Variants in HNRNPA1 observed in about 807,000 individuals in gnomAD.
The protein encoded by HNRNPA1 is heterogeneous nuclear ribonucleoprotein A1, also known as epididymis secretory sperm binding protein.
In HNRNPA1, 7 loss-of-function variants were observed where a neutral mutation model predicts 44.4. The observed-to-expected ratio is 0.16, with a 90% confidence interval of 0.09 to 0.30. HNRNPA1 has a LOEUF of 0.30. Among genes scored for constraint, HNRNPA1 ranks in the 10% least tolerant of loss-of-function variants. HNRNPA1 has a pLI of 1.00. For synonymous variants in HNRNPA1, 169 were observed against 160.6 expected, an observed-to-expected ratio of 1.05 and a Z score of -0.40; for missense variants, 193 against 465.8, an observed-to-expected ratio of 0.41 and a Z score of 5.39.
intron 8 of HNRNPA1, among the ~76,000 whole-genome samples, 184 bp downstream of exon 8, chr12:54,283,418 G>A (rs2137044466): frequency 6.6e-6 from 1 of 152,280 alleles, no homozygotes; most frequent in Non-Finnish European, 1.5e-5. Context: ...GTAGAGATAA[G>A]TGGATAGTGT....
Position 54,281,394 on chromosome 12 carries a change from A to G in HNRNPA1, c.24A>G (p.Lys8=), listed in dbSNP as rs1348081641. ...CCCTCCCCCCACTCTAGTCTCCTAAAGAGCCCGAACAGCTGAGGAAGCTCT... is the reference window on the plus strand; with the variant it reads ...CCCTCCCCCCACTCTAGTCTCCTAAGGAGCCCGAACAGCTGAGGAAGCTCT... The part of the protein sequence containing the change: MSKSESP[K]EPEQLRKLFI... Residue 8 remains lysine (K), a synonymous_variant, in exon 2 of 11, where the codon AAA becomes AAG. Coordinates refer to ENST00000340913, the MANE Select transcript of HNRNPA1 (RefSeq NM_031157.4). 1.3e-6 allele frequency: 2 copies of G among 1,583,572 alleles called. No individual in the cohort carries two copies. The highest frequency in any genetic ancestry group is 3.5e-5 in the Admixed American group (2 of 56,846).
rs1944185738 is a variant in HNRNPA1 at position 54,282,307 on chromosome 12, A to G, written c.490+7A>G. On this transcript the variant is annotated splice_region_variant and intron_variant, in intron 4 of 10. Coordinates refer to ENST00000340913, the MANE Select transcript of HNRNPA1 (RefSeq NM_031157.4). ...TCCGTGGATAAGATTGTCAGTAAGT[A>G]TCAGATAGTGGCATTTAGTAAGGGT... 10 of 1,613,758 alleles carry G rather than the reference A, an allele frequency of 6.2e-6. No individual in the cohort carries two copies. The highest frequency in any genetic ancestry group is 2.7e-5 in the African/African-American group (2 of 75,054).
chr12:54,281,002 C>T (rs766816110), intron 1 of HNRNPA1, 180 bp downstream of exon 1: 27 of 730,936 alleles, frequency 3.7e-5, no homozygotes, highest in Middle Eastern at 2.3e-4. Context: ...TGAGGCCGCT[C>T]TCCGCCAACC....
At position 54,285,790 on chromosome 12, in the gene HNRNPA1, C is replaced by G. The variant is rs556843142; in HGVS notation, c.*1246C>G. 6.7e-6 allele frequency: 1 copy of G among 148,998 alleles called. No individual in the cohort carries two copies. The highest frequency in any genetic ancestry group is 2.0e-4 in the East Asian group (1 of 4,984). 9.2% of individuals were successfully genotyped at this position (148,998 alleles called of 1,614,324 possible). On this transcript the variant is annotated 3_prime_UTR_variant, in exon 11 of 11. Coordinates refer to ENST00000340913, the MANE Select transcript of HNRNPA1 (RefSeq NM_031157.4). ...TCTCTCAATTTCAGTGCTATTGTAC[C>G]TAGTAGCATAGAGATTTGTCTATCA... is the stretch of plus-strand genomic sequence containing the variant.
At chr12:54,281,995 A>G (rs1214661133) in intron 3 of HNRNPA1, 54 bp downstream of exon 3, 53 of 1,604,994 alleles carry the variant, frequency 3.3e-5, no homozygotes, top group Middle Eastern at 1.7e-4. Context: ...ATGTGCTGCT[A>G]TGGACTTAAG....
In HNRNPA1 at chr12:54,285,796, G is replaced by A. The variant is rs944998112; in HGVS notation, c.*1252G>A. ...AATTTCAGTGCTATTGTACCTAGTA[G>A]CATAGAGATTTGTCTATCAATAGGA... On this transcript the variant is annotated 3_prime_UTR_variant, in exon 11 of 11. Transcript: ENST00000340913. 2 of 148,200 alleles carry A rather than the reference G, an allele frequency of 1.3e-5. No individual in the cohort carries two copies. The highest frequency in any genetic ancestry group is 5.0e-5 in the African/African-American group (2 of 40,364). The allele number at this position is 148,200 out of a possible 1,614,324, so 9.2% of individuals were successfully genotyped here. A position where few individuals can be genotyped will look rare whatever the true frequency, so the allele number is the denominator to read the frequency against.
Position 54,281,077 on chromosome 12 carries a change from T to C in HNRNPA1, c.15+255T>C, listed in dbSNP as rs771804386. On this transcript the variant is annotated intron_variant, in intron 1 of 10. Coordinates refer to ENST00000340913, the MANE Select transcript of HNRNPA1 (RefSeq NM_031157.4). Reference sequence around the variant, plus strand: ...CTTAGGCACACAGGATCTTTGTCTTTTTTTAAACCTTGCCTTGGTGAGCGA... The same window carrying C: ...CTTAGGCACACAGGATCTTTGTCTTCTTTTAAACCTTGCCTTGGTGAGCGA... 1.0e-4 allele frequency: 71 copies of C among 703,040 alleles called. 2 individuals are homozygous for C. In the South Asian group the frequency reaches 1.0e-3, roughly 10 times the overall value. The allele number at this position is 703,040 out of a possible 1,614,324, so 43.6% of individuals were successfully genotyped here.
In HNRNPA1 at chr12:54,286,981, G is replaced by A. The variant is rs1017408182; in HGVS notation, c.*2437G>A. On this transcript the variant is annotated 3_prime_UTR_variant, in exon 11 of 11. Transcript: ENST00000340913. ...CGTCCTTGTGAAGACCTTTATCTGA[G>A]CCACTGTACTTCGTTATCACTGCCA... The A allele has an allele frequency of 1.3e-5, 2 of 152,000 alleles. No homozygotes were observed. The highest frequency in any genetic ancestry group is 2.9e-5 in the Non-Finnish European group (2 of 68,012). The allele number at this position is 152,000 out of a possible 1,614,324, so 9.4% of individuals were successfully genotyped here. A position where few individuals can be genotyped will look rare whatever the true frequency, so the allele number is the denominator to read the frequency against.
rs1165140354 is a variant in HNRNPA1, at chr12:54,286,776, TTCCCAAAGTA to T, written c.*2233_*2242del. The T allele has an allele frequency of 1.3e-5, 2 of 152,234 alleles. No individual in the cohort carries two copies. The highest frequency in any genetic ancestry group is 4.8e-5 in the African/African-American group (2 of 41,462). The allele number at this position is 152,234 out of a possible 1,614,324, so 9.4% of individuals were successfully genotyped here. On this transcript the variant is annotated 3_prime_UTR_variant, in exon 11 of 11. Coordinates refer to ENST00000340913, the MANE Select transcript of HNRNPA1 (RefSeq NM_031157.4). Reference sequence around the variant, plus strand: ...GTGCTCAGCAAAAGAATGCCCTGCGTTCCCAAAGTAAAAGAATGACAAGCTGTACCTTAAA... The same window carrying T: ...GTGCTCAGCAAAAGAATGCCCTGCGTAAAGAATGACAAGCTGTACCTTAAA...
chr12:54,282,570 A>C lies in HNRNPA1; in HGVS notation c.584-3A>C. On this transcript the variant is annotated splice_polypyrimidine_tract_variant and splice_region_variant and intron_variant, in intron 5 of 10. Coordinates refer to ENST00000340913, the MANE Select transcript of HNRNPA1 (RefSeq NM_031157.4). ...ATTTAATGCTTAAACTTCATGTCTT[A>C]AGGTCGAAGTGGTTCTGGAAACTTT... 1 of 1,613,734 alleles carries C rather than the reference A, an allele frequency of 6.2e-7. No homozygotes were observed. The highest frequency in any genetic ancestry group is 1.1e-5 in the South Asian group (1 of 91,076).
rs1944253039 is a variant in HNRNPA1, at chr12:54,285,658, C to T, written c.*1114C>T. 6.6e-6 allele frequency: 1 copy of T among 152,068 alleles called. No homozygotes were observed. The highest frequency in any genetic ancestry group is 2.4e-5 in the African/African-American group (1 of 41,372). The allele number at this position is 152,068 out of a possible 1,614,324, so 9.4% of individuals were successfully genotyped here. A position where few individuals can be genotyped will look rare whatever the true frequency, so the allele number is the denominator to read the frequency against. On this transcript the variant is annotated 3_prime_UTR_variant, in exon 11 of 11. Transcript: ENST00000340913. The stretch of plus-strand genomic sequence containing the variant: ...TTTATGGCACAAGGGGTCACACAAC[C>T]TACCTAAAATGTTAATTGTATAGAA...
chr12:54,284,114 A>G, intron 9 of HNRNPA1, 144 bp from the exon 10 acceptor site: 1 of 1,276,656 alleles, frequency 7.8e-7, no homozygotes, highest in South Asian at 1.5e-5. Context: ...CAAATTAGAA[A>G]AATCATGGGA....
intron 1 of HNRNPA1, 123 bp downstream of exon 1, chr12:54,280,945 C>T (rs1565879111): frequency 9.5e-7 from 1 of 1,051,416 alleles, no homozygotes; most frequent in Non-Finnish European, 1.5e-6. Context: ...CTGCCACGGC[C>T]TACCCCTCCC....
rs190679271 is a variant in HNRNPA1 at position 54,281,536 on chromosome 12, C to A, written c.132+34C>A. ...TGGAAGGGACAAAGCAGTAAAACAG[C>A]CGATTTCCTTGGCTTATCTTGGTGC... On this transcript the variant is annotated intron_variant, in intron 2 of 10. Coordinates refer to ENST00000340913, the MANE Select transcript of HNRNPA1 (RefSeq NM_031157.4). The A allele has an allele frequency of 5.0e-4, 724 of 1,445,116 alleles. 4 individuals are homozygous for A. The African/African-American group carries it at 8.9e-3, about 18-fold the overall frequency. 89.5% of individuals were successfully genotyped at this position (1,445,116 alleles called of 1,614,324 possible).
In HNRNPA1 at chr12:54,281,521, A is replaced by G. The variant is rs199689675; in HGVS notation, c.132+19A>G. ...CTGTGTGGTAAGATTTGGAAGGGAC[A>G]AAGCAGTAAAACAGCCGATTTCCTT... On this transcript the variant is annotated intron_variant, in intron 2 of 10. Coordinates refer to ENST00000340913, the MANE Select transcript of HNRNPA1 (RefSeq NM_031157.4). 4 of 1,547,466 alleles carry G rather than the reference A, an allele frequency of 2.6e-6. No homozygotes were observed. The South Asian group carries it at 4.5e-5, about 17-fold the overall frequency.
At position 54,284,827 on chromosome 12, in the gene HNRNPA1, T is replaced by C. The variant is rs1944239688; in HGVS notation, c.*283T>C. 1 of 344,642 alleles carries C rather than the reference T, an allele frequency of 2.9e-6. No homozygotes were observed. The highest frequency in any genetic ancestry group is 5.7e-6 in the Non-Finnish European group (1 of 175,754). The allele number at this position is 344,642 out of a possible 1,614,324, so 21.3% of individuals were successfully genotyped here. Reference sequence around the variant, plus strand: ...TTTTTTTTTTTGCACCCCATGCTGTTGATTGCTAAATGTAACAGTCTGATC... The same window carrying C: ...TTTTTTTTTTTGCACCCCATGCTGTCGATTGCTAAATGTAACAGTCTGATC... On this transcript the variant is annotated 3_prime_UTR_variant, in exon 11 of 11. Transcript: ENST00000340913.
Position 54,280,909 on chromosome 12 carries a change from A to G in HNRNPA1, c.15+87A>G. 2.1e-6 allele frequency: 3 copies of G among 1,436,922 alleles called. No homozygotes were observed. The Admixed American group carries it at 5.0e-5, about 24-fold the overall frequency. The allele number at this position is 1,436,922 out of a possible 1,614,324, so 89.0% of individuals were successfully genotyped here. The stretch of plus-strand genomic sequence containing the variant: ...GCTGCTGGGTTTCGTTCCTTGCACC[A>G]GCCCATTCTACAGTTCCTTCGGTCG... On this transcript the variant is annotated intron_variant, in intron 1 of 10. Coordinates refer to ENST00000340913, the MANE Select transcript of HNRNPA1 (RefSeq NM_031157.4).
chr12:54,282,381 G>T lies in HNRNPA1; in HGVS notation c.491-13G>T, dbSNP rs1264799465. ...AACCCTGATACCATGTTGTATCTATGTTTTTTTTTTAGTTCAGAAATACCA... is the reference window on the plus strand; with the variant it reads ...AACCCTGATACCATGTTGTATCTATTTTTTTTTTTTAGTTCAGAAATACCA... On this transcript the variant is annotated splice_polypyrimidine_tract_variant and intron_variant, in intron 4 of 10. Transcript: ENST00000340913. 4.9e-6 allele frequency: 7 copies of T among 1,441,402 alleles called. No homozygotes were observed. Among genetic ancestry groups the T allele is most frequent in the Non-Finnish European group, 6.7e-6 (7 of 1,045,744 alleles). 89.3% of individuals were successfully genotyped at this position (1,441,402 alleles called of 1,614,324 possible).
chr12:54,282,040 A>G (rs1044400251), intron 3 of HNRNPA1, 50 bp from the exon 4 acceptor site: 4 of 1,596,888 alleles, frequency 2.5e-6, no homozygotes, highest in Non-Finnish European at 3.4e-6. Flanking sequence ...AAAATTTTTT[A>G]TTCGAGTATA....
Sources: allele counts gnomAD v4.1 joint callset (sites outside exome capture counted in the v4.1 genomes callset), GRCh38; gene constraint gnomAD v4.1.1; transcripts MANE v1.5; gene names NCBI Gene and HGNC (gene_info 2026-07-23, HGNC 2026-07-21).